Variants in KAT6B observed in about 807,000 individuals in gnomAD.
KAT6B encodes the protein lysine acetyltransferase 6B.
A neutral mutation model predicts 187.5 loss-of-function variants in KAT6B; 10 were observed. The ratio of observed to expected loss-of-function variants is 0.05; its 90% CI spans 0.03 to 0.09. The LOEUF is 0.09. Among genes scored for constraint, KAT6B ranks in the 10% least tolerant of loss-of-function variants. The pLI is 1.00. For synonymous variants in KAT6B, 861 were observed against 926.8 expected, an observed-to-expected ratio of 0.93 and a Z score of 1.29; for missense variants, 1,952 against 2,558.9, an observed-to-expected ratio of 0.76 and a Z score of 5.12.
In KAT6B at chr10:74,981,306, T is replaced by TTC. The variant is rs1842493708; in HGVS notation, c.2232-481_2232-480insTC. On this transcript the variant is annotated intron_variant, in intron 10 of 17. Coordinates refer to ENST00000287239, the MANE Select transcript of KAT6B (RefSeq NM_012330.4). ...TATTGGCTGGCTTTCTTTCTTTCTT[T>TTC]CTTCCTTCCTTCCTTCCTTCCTTCC... Among the ~76,000 whole-genome samples, 673 of 140,024 alleles carry TTC rather than the reference T, an allele frequency of 4.8e-3. 5 individuals are homozygous for TTC. The highest frequency in any genetic ancestry group is 0.016 in the East Asian group (77 of 4,956). The allele number at this position is 140,024 out of a possible 152,430, so 91.9% of individuals were successfully genotyped here. A position where few individuals can be genotyped will look rare whatever the true frequency, so the allele number is the denominator to read the frequency against.
intron 3 of KAT6B, among the ~76,000 whole-genome samples, chr10:74,913,309 GT>G (rs1260702415): frequency 6.6e-6 from 1 of 152,206 alleles, no homozygotes; most frequent in East Asian, 1.9e-4. Flanking sequence ...TATATATTAT[GT>G]TTTTCCCCTG....
chr10:74,949,351 G>GT (rs752247990), intron 3 of KAT6B, among the ~76,000 whole-genome samples: 48 of 152,186 alleles, frequency 3.2e-4, no homozygotes, highest in African/African-American at 9.6e-4. Flanking sequence ...GCAAGCAATT[G>GT]TTTCATGAAT....
intron 1 of KAT6B, among the ~76,000 whole-genome samples, chr10:74,831,876 G>A (rs1470945157): frequency 6.6e-6 from 1 of 152,186 alleles, no homozygotes; most frequent in Non-Finnish European, 1.5e-5. Context: ...CCTAGCCTAG[G>A]TAGCTAGCAG....
Position 75,020,810 on chromosome 10 carries a change from G to A in KAT6B, c.2858G>A (p.Gly953Asp). ...QHLHMIDKRD[G>D]RFVIIRREKL... Reference sequence around the variant, plus strand: ...CTCCACATGATCGACAAGAGAGATGGCAGGTGAGTCCTGGGACCCTGGGCA... The same window carrying A: ...CTCCACATGATCGACAAGAGAGATGACAGGTGAGTCCTGGGACCCTGGGCA... The change falls in exon 14 of 18, where the codon GGC becomes GAC. Residue 953 changes from glycine to aspartate, a missense_variant. Physicochemically the swap from Gly to Asp is moderately conservative, Grantham distance 94 (BLOSUM62 -1). Coordinates refer to ENST00000287239, the MANE Select transcript of KAT6B (RefSeq NM_012330.4). 1 of 1,613,718 alleles carries A rather than the reference G, an allele frequency of 6.2e-7. No individual in the cohort carries two copies. Among genetic ancestry groups the A allele is most frequent in the Non-Finnish European group, 8.5e-7 (1 of 1,179,932 alleles).
chr10:74,916,357 A>G (rs1847677886), intron 3 of KAT6B, among the ~76,000 whole-genome samples: 1 of 152,050 alleles, frequency 6.6e-6, no homozygotes, highest in South Asian at 2.1e-4. Flanking sequence ...CTCATCCCAT[A>G]TTTGTATTTT....
chr10:74,901,699 G>T (rs1481081578), intron 3 of KAT6B, among the ~76,000 whole-genome samples: 1 of 152,074 alleles, frequency 6.6e-6, no homozygotes, highest in African/African-American at 2.4e-5. Context: ...TTCTGACTGG[G>T]ATTGTTCTGT....
Position 75,028,924 on chromosome 10 carries a change from A to C in KAT6B, c.4100A>C (p.Glu1367Ala). ...EEEEEEEEEEEEGEEEEGGGN... is the reference protein window; with the variant it reads ...EEEEEEEEEEAEGEEEEGGGN... Reference sequence around the variant, plus strand: ...GAGGAAGAGGAAGAAGAGGAAGAAGAGGAAGGGGAAGAAGAAGAAGGAGGA... The same window carrying C: ...GAGGAAGAGGAAGAAGAGGAAGAAGCGGAAGGGGAAGAAGAAGAAGGAGGA... The change falls in exon 18 of 18, where the codon GAG (glutamate) becomes GCG (alanine). Residue 1367 changes from glutamate to alanine, a missense_variant. Around this residue, in one of 9 missense-constraint regions of KAT6B, gnomAD observed 758 missense variants for 891.4 expected, o/e 0.85. Transcript: ENST00000287239. 6.2e-7 allele frequency: 1 copy of C among 1,612,224 alleles called. No homozygotes were observed. Among genetic ancestry groups the C allele is most frequent in the Non-Finnish European group, 8.5e-7 (1 of 1,178,918 alleles).
chr10:74,865,920 C>T (rs1239714501), intron 3 of KAT6B, among the ~76,000 whole-genome samples: 1 of 152,148 alleles, frequency 6.6e-6, no homozygotes, highest in East Asian at 1.9e-4. Flanking sequence ...TTGAACAACA[C>T]AGGTTTGTGC....
intron 3 of KAT6B, among the ~76,000 whole-genome samples, chr10:74,865,473 A>G (rs900252215): frequency 6.6e-6 from 1 of 151,574 alleles, no homozygotes; most frequent in Non-Finnish European, 1.5e-5. Context: ...GTGTGCCTCA[A>G]TCACAATTTT....
At chr10:74,865,948 G>A (rs984546610) in intron 3 of KAT6B, among the ~76,000 whole-genome samples, 16 of 152,108 alleles carry the variant, frequency 1.1e-4, no homozygotes, top group African/African-American at 3.4e-4. Flanking sequence ...GTCAACTTAC[G>A]TGCTGATTTT....
intron 3 of KAT6B, among the ~76,000 whole-genome samples, chr10:74,888,690 T>C: frequency 6.6e-6 from 1 of 152,224 alleles, no homozygotes; most frequent in Non-Finnish European, 1.5e-5. Flanking sequence ...TAAAATCACA[T>C]ACTTTTAATT....
At chr10:74,895,532 T>C (rs934215913) in intron 3 of KAT6B, among the ~76,000 whole-genome samples, 2 of 152,112 alleles carry the variant, frequency 1.3e-5, no homozygotes, top group African/African-American at 4.8e-5. Context: ...AACGCTCTTC[T>C]TCTTAATCTT....
chr10:74,986,975 C>T (rs1842847452), intron 12 of KAT6B, among the ~76,000 whole-genome samples: 1 of 152,170 alleles, frequency 6.6e-6, no homozygotes, highest in South Asian at 2.1e-4. Context: ...ATTTCTGCCT[C>T]TCTTCCTGCC....
chr10:75,001,959 C>G (rs1843864475), intron 13 of KAT6B, among the ~76,000 whole-genome samples: 1 of 152,114 alleles, frequency 6.6e-6, no homozygotes, highest in South Asian at 2.1e-4. Flanking sequence ...GAGCTGCATC[C>G]CAGCCTCAAG....
intron 3 of KAT6B, among the ~76,000 whole-genome samples, chr10:74,940,371 G>A (rs564231421): frequency 6.6e-6 from 1 of 150,948 alleles, no homozygotes; most frequent in East Asian, 2.0e-4. Context: ...CACCTCCTGG[G>A]TTCAAGTGAT....
At chr10:75,008,002 G>C (rs1844338032) in intron 13 of KAT6B, among the ~76,000 whole-genome samples, 1 of 152,176 alleles carries the variant, frequency 6.6e-6, no homozygotes, top group African/African-American at 2.4e-5. Context: ...AAATTTACTT[G>C]AATCAAATCC....
rs909671523 is a variant in KAT6B, at chr10:74,899,750, A to G, written c.621+56272A>G. Among the ~76,000 whole-genome samples, 4 of 152,308 alleles carry G rather than the reference A, an allele frequency of 2.6e-5. No individual in the cohort carries two copies. The East Asian group carries it at 7.7e-4, about 29-fold the overall frequency. ...TAAGTGACCTTAGGGCAGTATTACC[A>G]TGAAACAGATCTCACAAATAACATT... On this transcript the variant is annotated intron_variant, in intron 3 of 17. Transcript: ENST00000287239.
chr10:74,936,221 T>C (rs552040028), intron 3 of KAT6B, among the ~76,000 whole-genome samples: 18 of 151,972 alleles, frequency 1.2e-4, no homozygotes, highest in African/African-American at 3.6e-4. Flanking sequence ...GCCAACATGG[T>C]GAAACCCTGT....
chr10:74,932,577 C>T (rs1848963420), intron 3 of KAT6B, among the ~76,000 whole-genome samples: 1 of 152,092 alleles, frequency 6.6e-6, no homozygotes. Context: ...AAAAAGTAAT[C>T]ATTAGATGGA....
Sources: gnomAD v4.1 joint callset for allele counts (sites outside exome capture counted in the v4.1 genomes callset) on GRCh38, gnomAD v4.1.1 for gene constraint, gnomAD v4.1.1 regional missense constraint, MANE v1.5 for transcripts, NCBI Gene and HGNC (gene_info 2026-07-23, HGNC 2026-07-21) for gene names.